Variants in LRRC37A2 observed in about 807,000 individuals in gnomAD.
LRRC37A2 encodes the protein leucine rich repeat containing 37 member A2, also known as leucine-rich repeat-containing protein 37A2.
Under a neutral mutation model 68.8 loss-of-function variants are expected in LRRC37A2, and 9 were observed. That is an observed-to-expected ratio of 0.13 (90% CI 0.08 to 0.23). LRRC37A2 has a LOEUF of 0.23. Among genes scored for constraint, LRRC37A2 ranks in the 10% least tolerant of loss-of-function variants. The probability of loss-of-function intolerance (pLI) is 1.00; values close to 1 mark genes in which losing one functional copy is unlikely to be tolerated. For missense variants in LRRC37A2, 168 were observed against 950.4 expected, an observed-to-expected ratio of 0.18 and a Z score of 10.82; for synonymous variants, 63 against 367.6, an observed-to-expected ratio of 0.17 and a Z score of 9.48.
chr17:46,907,923 A>G, the LRRC37A2 span, among the ~76,000 whole-genome samples: 1 of 151,798 alleles, frequency 6.6e-6, no homozygotes, highest in African/African-American at 2.4e-5. Context: ...ATCAATTTCT[A>G]TTTTGCCCTG....
At chr17:46,769,622 G>A in the LRRC37A2 span, among the ~76,000 whole-genome samples, 1 of 152,116 alleles carries the variant, frequency 6.6e-6, no homozygotes, top group African/African-American at 2.4e-5. Flanking sequence ...GTGGACAGAC[G>A]AAGTGGCTGT....
At chr17:47,034,490 A>C in the LRRC37A2 span, among the ~76,000 whole-genome samples, 1 of 152,152 alleles carries the variant, frequency 6.6e-6, no homozygotes, top group African/African-American at 2.4e-5. Flanking sequence ...GCTATCAAGA[A>C]AGAGGGAAGG....
the LRRC37A2 span, among the ~76,000 whole-genome samples, chr17:46,951,092 C>T: frequency 0.044 from 6,677 of 152,292 alleles, 206 homozygotes; most frequent in Admixed American, 0.11. Context: ...GCAGGAGCCA[C>T]GCCAAAGGCT....
the LRRC37A2 span, among the ~76,000 whole-genome samples, chr17:46,971,358 T>TA: frequency 6.6e-6 from 1 of 151,918 alleles, no homozygotes; most frequent in African/African-American, 2.4e-5. Context: ...ATTAATTAAT[T>TA]AAAAAGGAAA....
At chr17:46,862,648 T>C in the LRRC37A2 span, among the ~76,000 whole-genome samples, 1 of 152,126 alleles carries the variant, frequency 6.6e-6, no homozygotes, top group East Asian at 1.9e-4. Context: ...AGTGGCAGGA[T>C]CTTAGCTCAC....
At chr17:46,609,738 G>A in the LRRC37A2 span, among the ~76,000 whole-genome samples, 1 of 145,968 alleles carries the variant, frequency 6.9e-6, no homozygotes, top group Non-Finnish European at 1.5e-5. Context: ...GTATAGTGTG[G>A]CCTTACGGAT....
At chr17:46,784,179 G>A in the LRRC37A2 span, among the ~76,000 whole-genome samples, 14 of 152,160 alleles carry the variant, frequency 9.2e-5, no homozygotes, top group African/African-American at 3.1e-4. Context: ...ACTGGTAGCC[G>A]TTTGGTCCCA....
chr17:46,929,164 C>T, the LRRC37A2 span, among the ~76,000 whole-genome samples: 1 of 152,118 alleles, frequency 6.6e-6, no homozygotes, highest in Non-Finnish European at 1.5e-5. Context: ...TGGCCGGGTT[C>T]AGTTTGAGGT....
the LRRC37A2 span, among the ~76,000 whole-genome samples, chr17:46,860,705 CCTT>C: frequency 8.5e-5 from 13 of 152,212 alleles, no homozygotes; most frequent in East Asian, 5.8e-4. Flanking sequence ...GACATCTGTT[CCTT>C]CTTCTCTGTG....
the LRRC37A2 span, among the ~76,000 whole-genome samples, chr17:46,761,329 T>TG: frequency 4.0e-5 from 6 of 151,226 alleles, no homozygotes; most frequent in African/African-American, 1.5e-4. Context: ...GGTTTTTTTT[T>TG]GTTTGTTTTT....
At chr17:46,913,406 C>T in the LRRC37A2 span, among the ~76,000 whole-genome samples, 2 of 152,168 alleles carry the variant, frequency 1.3e-5, no homozygotes, top group Non-Finnish European at 2.9e-5. Context: ...AGAGGGAGCA[C>T]CAGTGCTAAG....
chr17:46,740,212 A>G, the LRRC37A2 span, among the ~76,000 whole-genome samples: 2 of 152,196 alleles, frequency 1.3e-5, no homozygotes, highest in Non-Finnish European at 2.9e-5. Context: ...CCAGATAAGT[A>G]AGGCATTATT....
At chr17:46,773,979 C>A in the LRRC37A2 span, 1 of 1,564,184 alleles carries the variant, frequency 6.4e-7, no homozygotes, top group South Asian at 1.2e-5. Context: ...ACCATGGCCG[C>A]TTTGTGAACC....
At chr17:46,889,820 C>T in the LRRC37A2 span, among the ~76,000 whole-genome samples, 1 of 152,192 alleles carries the variant, frequency 6.6e-6, no homozygotes, top group Non-Finnish European at 1.5e-5. Flanking sequence ...CCCAGCTTTG[C>T]ACTCAGGGCT....
chr17:46,914,470 G>A, the LRRC37A2 span, among the ~76,000 whole-genome samples: 1 of 151,898 alleles, frequency 6.6e-6, no homozygotes, highest in Non-Finnish European at 1.5e-5. Flanking sequence ...CCAACATGGT[G>A]CAACCCTGTC....
chr17:47,036,092 T>G, the LRRC37A2 span, among the ~76,000 whole-genome samples: 1 of 152,152 alleles, frequency 6.6e-6, no homozygotes, highest in Non-Finnish European at 1.5e-5. Context: ...TTTGCCAATA[T>G]TTTCTCTCAT....
At chr17:46,886,330 A>G in the LRRC37A2 span, 4 of 152,262 alleles carry the variant, frequency 2.6e-5, no homozygotes, top group Non-Finnish European at 4.4e-5. Flanking sequence ...AGAAGACATC[A>G]AAGATGCATA....
chr17:46,724,930 T>C, the LRRC37A2 span, among the ~76,000 whole-genome samples: 1 of 152,170 alleles, frequency 6.6e-6, no homozygotes, highest in Admixed American at 6.5e-5. Flanking sequence ...CAATCAGATA[T>C]CTCCAACTTC....
the LRRC37A2 span, among the ~76,000 whole-genome samples, chr17:46,730,809 A>G: frequency 6.6e-6 from 1 of 152,192 alleles, no homozygotes; most frequent in Non-Finnish European, 1.5e-5. Flanking sequence ...AAGAAGAGGT[A>G]CTCAACATCA....
Sources: gnomAD v4.1 joint callset for allele counts (sites outside exome capture counted in the v4.1 genomes callset) on GRCh38, gnomAD v4.1.1 for gene constraint, MANE v1.5 for transcripts, NCBI Gene and HGNC (gene_info 2026-07-23, HGNC 2026-07-21) for gene names.